The following SLC37A2 variants were observed in gnomAD, a reference collection of about 807,000 sequenced individuals.
SLC37A2 encodes the protein glucose-6-phosphate exchanger SLC37A2.
A neutral mutation model predicts 70.7 loss-of-function variants in SLC37A2; 59 were observed. The observed-to-expected ratio is 0.83, with a 90% CI of 0.68 to 1.04. The LOEUF is 1.04. Among genes scored for constraint, SLC37A2 ranks in the 50% least tolerant of loss-of-function variants. The pLI is 0.00. For synonymous variants in SLC37A2, 257 were observed against 262.1 expected, an observed-to-expected ratio of 0.98 and a Z score of 0.19; for missense variants, 580 against 658.1, an observed-to-expected ratio of 0.88 and a Z score of 1.30.
intron 16 of SLC37A2, 64 bp from the exon 17 acceptor site, chr11:125,085,890 G>A: frequency 1.4e-6 from 2 of 1,470,254 alleles, no homozygotes; most frequent in Non-Finnish European, 1.9e-6. Context: ...TCACCCTGGT[G>A]CTGGGCACTC....
chr11:125,079,610 C>A, intron 5 of SLC37A2, 74 bp from the exon 6 acceptor site: 1 of 1,232,378 alleles, frequency 8.1e-7, no homozygotes, highest in Non-Finnish European at 1.2e-6. Context: ...ACCTCCTCAG[C>A]CCAGGGTGGT....
Position 125,079,730 on chromosome 11 carries a change from C to T in SLC37A2, c.497C>T (p.Thr166Ile), listed in dbSNP as rs751647257. ...VQTTGWPSVVTCVGNWFGKGK... is the reference protein window; with the variant it reads ...VQTTGWPSVVICVGNWFGKGK... ...ACCACAGGCTGGCCCTCTGTGGTGA[C>T]CTGTGTTGGCAACTGGTTCGGGAAG... The change falls in exon 6 of 18, where the codon ACC (threonine) becomes ATC (isoleucine). Residue 166 changes from threonine (T) to isoleucine (I), a missense_variant. Thr to Ile is a moderately conservative substitution (Grantham distance 89). Coordinates refer to ENST00000403796, the MANE Select transcript of SLC37A2 (RefSeq NM_001145290.2). 3 of 1,610,202 alleles carry T rather than the reference C, an allele frequency of 1.9e-6. No individual in the cohort carries two copies. In the Admixed American group the frequency reaches 5.0e-5, roughly 27 times the overall value.
At chr11:125,072,372 G>A (rs541126131) in intron 1 of SLC37A2, among the ~76,000 whole-genome samples, 1 of 152,262 alleles carries the variant, frequency 6.6e-6, no homozygotes, top group East Asian at 1.9e-4. Context: ...GTATCCGGTG[G>A]GGGGGAGGTG....
rs1949274045 is a variant in SLC37A2, at chr11:125,090,423, A to G, written c.*2289A>G. On this transcript the variant is annotated 3_prime_UTR_variant, in exon 18 of 18. Transcript: ENST00000403796. ...TGGGTGGGGCCAGATAAGAGAATAA[A>G]AGCAGGCTGCCCGAGCCAGCATTGG... is the stretch of plus-strand genomic sequence containing the variant. The G allele has an allele frequency of 6.6e-6, 1 of 152,268 alleles. No homozygotes were observed. The highest frequency in any genetic ancestry group is 2.4e-5 in the African/African-American group (1 of 41,424). 9.4% of individuals were successfully genotyped at this position (152,268 alleles called of 1,614,324 possible). A position where few individuals can be genotyped will look rare whatever the true frequency, so the allele number is the denominator to read the frequency against.
chr11:125,086,377 G>A (rs911109537), intron 17 of SLC37A2: 5 of 859,002 alleles, frequency 5.8e-6, no homozygotes, highest in Admixed American at 1.7e-5. Flanking sequence ...TGGGCCAGTT[G>A]TAAAGACTTT....
At chr11:125,081,138 A>C (rs904335119) in intron 7 of SLC37A2, among the ~76,000 whole-genome samples, 3 of 152,076 alleles carry the variant, frequency 2.0e-5, no homozygotes, top group African/African-American at 7.2e-5. Context: ...CTTGTGCACT[A>C]GCCAGGCCAG....
intron 1 of SLC37A2, among the ~76,000 whole-genome samples, chr11:125,069,890 T>C (rs1263054755): frequency 6.6e-6 from 1 of 152,238 alleles, no homozygotes; most frequent in African/African-American, 2.4e-5. Context: ...CCATGGCGTT[T>C]CAGAGCCACA....
intron 17 of SLC37A2, chr11:125,087,101 C>G (rs1290037825): frequency 6.5e-6 from 1 of 152,966 alleles, no homozygotes. Context: ...TCCTTGGAGC[C>G]AGGCCTGAGG....
At chr11:125,076,118 C>T (rs1034598326) in intron 1 of SLC37A2, among the ~76,000 whole-genome samples, 1 of 152,036 alleles carries the variant, frequency 6.6e-6, no homozygotes, top group Non-Finnish European at 1.5e-5. Context: ...TGGGATGAGA[C>T]GTGAGGGGTG....
intron 17 of SLC37A2, chr11:125,086,285 A>G: frequency 6.4e-7 from 1 of 1,562,870 alleles, no homozygotes. Context: ...CGAGTCTGTG[A>G]CTCGAGTGCC....
intron 4 of SLC37A2, 56 bp from the exon 5 acceptor site, chr11:125,079,056 G>A (rs1949119398): frequency 6.2e-7 from 1 of 1,609,524 alleles, no homozygotes; most frequent in African/African-American, 1.3e-5. Context: ...AACATGGTAG[G>A]GAGTTGAGGT....
At chr11:125,069,343 A>G (rs1242160175) in intron 1 of SLC37A2, among the ~76,000 whole-genome samples, 2 of 152,188 alleles carry the variant, frequency 1.3e-5, no homozygotes, top group Non-Finnish European at 2.9e-5. Flanking sequence ...CTTCCTAATG[A>G]TAGTGTTGGG....
At chr11:125,076,886 A>G in intron 2 of SLC37A2, 48 bp downstream of exon 2, 4 of 1,583,118 alleles carry the variant, frequency 2.5e-6, no homozygotes, top group Middle Eastern at 1.7e-4. Flanking sequence ...CACTGTCGTA[A>G]CCGTCCTTAC....
chr11:125,067,465 A>G (rs186834692), intron 1 of SLC37A2, among the ~76,000 whole-genome samples: 1 of 152,356 alleles, frequency 6.6e-6, no homozygotes, highest in East Asian at 1.9e-4. Flanking sequence ...ATTTAGATAA[A>G]TAATAATATT....
chr11:125,070,593 T>C (rs1949020495), intron 1 of SLC37A2, among the ~76,000 whole-genome samples: 1 of 152,204 alleles, frequency 6.6e-6, no homozygotes, highest in Admixed American at 6.5e-5. Flanking sequence ...CAAATCTTAC[T>C]TTCCTGTTGA....
At chr11:125,066,763 A>G (rs1948984469) in intron 1 of SLC37A2, among the ~76,000 whole-genome samples, 1 of 150,756 alleles carries the variant, frequency 6.6e-6, no homozygotes, top group South Asian at 2.1e-4. Context: ...TTAAGATATA[A>G]TATATAAAAA....
chr11:125,082,092 C>A, intron 9 of SLC37A2, 152 bp from the exon 10 acceptor site: 1 of 968,132 alleles, frequency 1.0e-6, no homozygotes, highest in South Asian at 1.5e-5. Context: ...GCACAGTGGT[C>A]ATGTTGCTTT....
At position 125,083,968 on chromosome 11, in the gene SLC37A2, C is replaced by G; in HGVS notation, c.1039+91C>G. The G allele has an allele frequency of 7.6e-7, 1 of 1,310,140 alleles. No individual in the cohort carries two copies. Among genetic ancestry groups the G allele is most frequent in the Non-Finnish European group, 1.1e-6 (1 of 912,290 alleles). The allele number at this position is 1,310,140 out of a possible 1,614,324, so 81.2% of individuals were successfully genotyped here. On this transcript the variant is annotated intron_variant, in intron 11 of 17. Transcript: ENST00000403796. This position sits in a 1 kb window ranked among gnomAD's most constrained non-coding sequence, Gnocchi z 4.6. ...AGGGACAGGTCCGATGGGCTATGAC[C>G]TGGGTAGGTGGCACCAGAGGAAAAA...
intron 14 of SLC37A2, 31 bp downstream of exon 14, chr11:125,085,170 A>C (rs760156559): frequency 6.2e-7 from 1 of 1,604,706 alleles, no homozygotes; most frequent in Admixed American, 1.7e-5. Flanking sequence ...AGGGCCAGGG[A>C]CCGTTCTGGG....
Sources: gnomAD v4.1 joint callset for allele counts (sites outside exome capture counted in the v4.1 genomes callset) on GRCh38, gnomAD v4.1.1 for gene constraint, Gnocchi (gnomAD v3.1) non-coding constraint, MANE v1.5 for transcripts, NCBI Gene and HGNC (gene_info 2026-07-23, HGNC 2026-07-21) for gene names.